SRGAP2: variants seen among roughly 807,000 people sequenced by gnomAD.
SRGAP2 encodes the protein SLIT-ROBO Rho GTPase-activating protein 2.
A neutral mutation model predicts 57.2 loss-of-function variants in SRGAP2; 15 were observed. That is an observed-to-expected ratio of 0.26 (90% CI 0.18 to 0.40). The LOEUF is 0.40. Ranked by LOEUF, SRGAP2 falls within the 10% of genes least tolerant of loss-of-function variation. SRGAP2 has a pLI of 1.00. For missense variants in SRGAP2, 520 were observed against 669.6 expected (o/e 0.78, Z 2.47); for synonymous variants, 249 against 248.0 (o/e 1.00, Z -0.04).
intron 2 of SRGAP2, among the ~76,000 whole-genome samples, chr1:206,284,151 G>A: frequency 6.7e-6 from 1 of 149,304 alleles, no homozygotes; most frequent in Non-Finnish European, 1.5e-5. Flanking sequence ...CATGGTAGCG[G>A]TTACCACAGA....
At chr1:206,460,672 A>T (rs1553380145) in intron 22 of SRGAP2, among the ~76,000 whole-genome samples, 1 of 152,162 alleles carries the variant, frequency 6.6e-6, no homozygotes, top group Non-Finnish European at 1.5e-5. Context: ...ACTGGATAAC[A>T]AATCCCCATG....
chr1:206,389,379 G>T (rs575874679), intron 5 of SRGAP2, among the ~76,000 whole-genome samples: 1 of 151,828 alleles, frequency 6.6e-6, no homozygotes, highest in African/African-American at 2.4e-5. Flanking sequence ...GGGTTTCATC[G>T]TGTTAGCCAG....
At chr1:206,446,660 T>C (rs2103361947) in intron 18 of SRGAP2, among the ~76,000 whole-genome samples, 1 of 152,370 alleles carries the variant, frequency 6.6e-6, no homozygotes, top group South Asian at 2.1e-4. Flanking sequence ...TGCTCTGTAT[T>C]CTGAGAAAAA....
Position 206,393,730 on chromosome 1 carries a change from GTCA to G in SRGAP2, c.831+58_831+60del. The G allele has an allele frequency of 1.8e-5, 10 of 571,044 alleles. No homozygotes were observed. In the Admixed American group the frequency reaches 2.1e-4, roughly 12 times the overall value. The allele number at this position is 571,044 out of a possible 1,614,324, so 35.4% of individuals were successfully genotyped here. On this transcript the variant is annotated intron_variant, in intron 7 of 22. Coordinates refer to ENST00000573034, the MANE Select transcript of SRGAP2 (RefSeq NM_015326.5). ...CCTCTTTTCTGGTTTCAGAATACTC[GTCA>G]GACATTCCCCGATACTATTGTTCAG...
At chr1:206,449,542 G>C (rs10158380) in intron 18 of SRGAP2, among the ~76,000 whole-genome samples, 43,559 of 150,852 alleles carry the variant, frequency 0.29, 7,183 homozygotes, top group East Asian at 0.65. Context: ...CTCCCAAAGT[G>C]CTGGGATTAC....
intron 3 of SRGAP2, among the ~76,000 whole-genome samples, chr1:206,334,510 A>G (rs1553333074): frequency 6.6e-6 from 1 of 152,246 alleles, no homozygotes; most frequent in African/African-American, 2.4e-5. Flanking sequence ...TCATTGTCCC[A>G]GGGACGGGTA....
At chr1:206,214,853 G>A (rs571704850) in intron 2 of SRGAP2, 3 of 151,392 alleles carry the variant, frequency 2.0e-5, no homozygotes, top group Non-Finnish European at 4.4e-5. Flanking sequence ...AAAGCCCAAC[G>A]TTTCTGGGAT....
chr1:206,301,287 G>A (rs1161207606), intron 2 of SRGAP2, among the ~76,000 whole-genome samples: 5 of 151,902 alleles, frequency 3.3e-5, no homozygotes, highest in East Asian at 1.9e-4. Flanking sequence ...CGCCCGCCTC[G>A]GCCTCCCAAA....
intron 4 of SRGAP2, among the ~76,000 whole-genome samples, chr1:206,357,345 A>G (rs1676515640): frequency 6.6e-6 from 1 of 150,998 alleles, no homozygotes; most frequent in Admixed American, 6.6e-5. Flanking sequence ...ACTTGGAATC[A>G]TGATTAACAT....
intron 5 of SRGAP2, among the ~76,000 whole-genome samples, chr1:206,391,714 A>T (rs1266984296): frequency 1.3e-5 from 2 of 150,742 alleles, no homozygotes; most frequent in African/African-American, 4.9e-5. Context: ...CACTTTCAGC[A>T]CTCGTGAACT....
chr1:206,306,585 G>C (rs1672216155), intron 3 of SRGAP2, among the ~76,000 whole-genome samples: 1 of 152,164 alleles, frequency 6.6e-6, no homozygotes, highest in Non-Finnish European at 1.5e-5. Flanking sequence ...CGGGCAGCCT[G>C]CTTTTAGTCT....
chr1:206,453,448 T>C, intron 20 of SRGAP2, 68 bp downstream of exon 20: 1 of 502,168 alleles, frequency 2.0e-6, no homozygotes, highest in Non-Finnish European at 3.7e-6. Context: ...ACTTCATTTC[T>C]GGAGCCATAG....
At chr1:206,273,078 T>G in intron 2 of SRGAP2, among the ~76,000 whole-genome samples, 1 of 152,112 alleles carries the variant, frequency 6.6e-6, no homozygotes, top group Non-Finnish European at 1.5e-5. Context: ...TCTCTCCATC[T>G]TTGCAGCCAC....
intron 4 of SRGAP2, among the ~76,000 whole-genome samples, chr1:206,376,626 CTTA>C (rs200896207): frequency 0.036 from 5,232 of 145,934 alleles, 130 homozygotes; most frequent in Non-Finnish European, 0.054. Flanking sequence ...TCTCACTATT[CTTA>C]TTATCCTATT....
At chr1:206,417,102 TC>T (rs1553362299) in intron 11 of SRGAP2, among the ~76,000 whole-genome samples, 1 of 148,904 alleles carries the variant, frequency 6.7e-6, no homozygotes, top group African/African-American at 2.5e-5. Context: ...TCTAATGACT[TC>T]TTTTTTTTTT....
intron 2 of SRGAP2, among the ~76,000 whole-genome samples, chr1:206,222,719 T>C (rs1667076170): frequency 6.6e-6 from 1 of 151,666 alleles, no homozygotes; most frequent in Non-Finnish European, 1.5e-5. Flanking sequence ...GATTGTACAT[T>C]AGAAGATAGA....
At chr1:206,429,882 ATATT>A (rs1553367700) in intron 13 of SRGAP2, among the ~76,000 whole-genome samples, 4 of 152,156 alleles carry the variant, frequency 2.6e-5, no homozygotes, top group Non-Finnish European at 4.4e-5. Context: ...ACATGACAGA[ATATT>A]AATTAATTAG....
chr1:206,259,724 G>A (rs545682086), intron 2 of SRGAP2, among the ~76,000 whole-genome samples: 70 of 151,816 alleles, frequency 4.6e-4, no homozygotes, highest in African/African-American at 1.5e-3. Context: ...CAAGGGTTAG[G>A]CAAGTGGCTA....
intron 16 of SRGAP2, among the ~76,000 whole-genome samples, chr1:206,439,284 T>C (rs1662057216): frequency 6.6e-6 from 1 of 152,050 alleles, no homozygotes; most frequent in Non-Finnish European, 1.5e-5. Flanking sequence ...ATAATTAACC[T>C]CTCCACAGCA....
Sources: gnomAD v4.1 joint callset for allele counts (sites outside exome capture counted in the v4.1 genomes callset) on GRCh38, gnomAD v4.1.1 for gene constraint, MANE v1.5 for transcripts, NCBI Gene and HGNC (gene_info 2026-07-23, HGNC 2026-07-21) for gene names.